STK25: variants seen among roughly 807,000 people sequenced by gnomAD.
STK25 encodes serine/threonine kinase 25, also known as serine/threonine-protein kinase 25.
In STK25, 29 loss-of-function variants were observed where a neutral mutation model predicts 53.8. The observed-to-expected ratio is 0.54, with a 90% confidence interval of 0.40 to 0.74. The LOEUF is 0.74. STK25 is among the 30% of genes least tolerant of loss of function. The pLI, the probability that STK25 is intolerant of heterozygous loss-of-function variation, is 0.00. For synonymous variants in STK25, 247 were observed against 238.3 expected (o/e 1.04, Z -0.33); for missense variants, 420 against 568.0 (o/e 0.74, Z 2.65).
chr2:241,500,613 G>C (rs2065448813), intron 4 of STK25, 127 bp downstream of exon 4: 1 of 1,031,978 alleles, frequency 9.7e-7, no homozygotes, highest in South Asian at 1.4e-5. Flanking sequence ...TTTTGCTTTA[G>C]ACGATTCCTA....
At chr2:241,497,736 G>T in intron 9 of STK25, 49 bp from the exon 10 acceptor site, 1 of 1,568,720 alleles carries the variant, frequency 6.4e-7, no homozygotes, top group Non-Finnish European at 8.8e-7. Flanking sequence ...CAGGTGACAG[G>T]CAGGGCACTC....
chr2:241,507,914 G>T, intron 2 of STK25, 92 bp downstream of exon 2: 1 of 1,336,442 alleles, frequency 7.5e-7, no homozygotes, highest in Non-Finnish European at 1.0e-6. Flanking sequence ...CCCACTGCCC[G>T]CTCCGGCGTG....
At chr2:241,509,357 T>C (rs535623215), upstream of STK25, 1 of 152,444 alleles carries the variant, frequency 6.6e-6, no homozygotes, top group African/African-American at 2.4e-5. Context: ...GGGAGGGACT[T>C]GCAGATCCCA....
rs2065023260 is a variant in STK25, at chr2:241,493,782, A to G, written c.*1880T>C. 2 of 484,372 alleles carry G rather than the reference A, an allele frequency of 4.1e-6. No individual in the cohort carries two copies. Among genetic ancestry groups the G allele is most frequent in the Non-Finnish European group, 7.3e-6 (2 of 272,386 alleles). The allele number at this position is 484,372 out of a possible 1,614,324, so 30.0% of individuals were successfully genotyped here. A position where few individuals can be genotyped will look rare whatever the true frequency, so the allele number is the denominator to read the frequency against. Reference sequence around the variant, plus strand: ...TGGCTAATTTTTGTATTTTTAGTAGAGACAGGGTTTCACCATGTTGGCCAG... The same window carrying G: ...TGGCTAATTTTTGTATTTTTAGTAGGGACAGGGTTTCACCATGTTGGCCAG... On this transcript the variant is annotated 3_prime_UTR_variant, in exon 12 of 12. Coordinates refer to ENST00000316586, the MANE Select transcript of STK25 (RefSeq NM_001271977.2).
In STK25 at chr2:241,508,485, G is replaced by A. The variant is rs1437485770; in HGVS notation, c.-143C>T. On this transcript the variant is annotated 5_prime_UTR_variant, in exon 1 of 12. Coordinates refer to ENST00000316586, the MANE Select transcript of STK25 (RefSeq NM_001271977.2). ...CCGGCCTCCCCCGGCCCGCTCTGCA[G>A]CGCCCGCGAAGGCTCCCACCCGCAG... The A allele has an allele frequency of 4.8e-6, 5 of 1,037,802 alleles. No homozygotes were observed. Among genetic ancestry groups the A allele is most frequent in the Non-Finnish European group, 5.8e-6 (5 of 861,752 alleles). The allele number at this position is 1,037,802 out of a possible 1,614,324, so 64.3% of individuals were successfully genotyped here.
At chr2:241,500,041 C>G (rs767406954) in intron 5 of STK25, 132 bp downstream of exon 5, 1 of 751,210 alleles carries the variant, frequency 1.3e-6, no homozygotes, top group Admixed American at 2.0e-5. Context: ...TGCTCAGTTT[C>G]AGGGTGGCCA....
chr2:241,499,490 G>A, intron 5 of STK25, 76 bp from the exon 6 acceptor site: 1 of 1,537,208 alleles, frequency 6.5e-7, no homozygotes, highest in Non-Finnish European at 8.8e-7. Context: ...GAAGGGCCAG[G>A]GTACCATCCA....
Position 241,508,455 on chromosome 2 carries a change from C to A in STK25, c.-113G>T. Reference sequence around the variant, plus strand: ...GCAGCGCGCCCACCTCCGCGGGGCTCCATCCCGGCCTCCCCCGGCCCGCTC... The same window carrying A: ...GCAGCGCGCCCACCTCCGCGGGGCTACATCCCGGCCTCCCCCGGCCCGCTC... On this transcript the variant is annotated 5_prime_UTR_variant, in exon 1 of 12. It introduces an in-frame stop codon into an upstream open reading frame of the 5' UTR. Transcript: ENST00000316586. 9.3e-7 allele frequency: 1 copy of A among 1,080,788 alleles called. No homozygotes were observed. The highest frequency in any genetic ancestry group is 2.4e-5 in the South Asian group (1 of 41,554). 66.9% of individuals were successfully genotyped at this position (1,080,788 alleles called of 1,614,324 possible). A position where few individuals can be genotyped will look rare whatever the true frequency, so the allele number is the denominator to read the frequency against.
At chr2:241,509,055 C>T (rs1574975791), upstream of STK25, among the ~76,000 whole-genome samples, 2 of 152,232 alleles carry the variant, frequency 1.3e-5, no homozygotes, top group Non-Finnish European at 1.5e-5. Context: ...CTTGTCGTCA[C>T]GGCACGGAGA....
At position 241,493,560 on chromosome 2, in the gene STK25, CA is replaced by C. The variant is rs1215388101; in HGVS notation, c.*2101del. 18 of 885,098 alleles carry C rather than the reference CA, an allele frequency of 2.0e-5. No individual in the cohort carries two copies. Among genetic ancestry groups the C allele is most frequent in the Non-Finnish European group, 3.0e-5 (17 of 562,476 alleles). The allele number at this position is 885,098 out of a possible 1,614,324, so 54.8% of individuals were successfully genotyped here. ...TGGGCCCTGGAAAGGAAGGGCTGAG[CA>C]ATGCTTCCAGCATTTCCAAAAAACA... On this transcript the variant is annotated 3_prime_UTR_variant, in exon 12 of 12. Transcript: ENST00000316586.
rs1339057968 is a variant in STK25 at position 241,508,148 on chromosome 2, C to T, written c.-100-13G>A. The T allele has an allele frequency of 4.1e-6, 6 of 1,476,848 alleles. No individual in the cohort carries two copies. The highest frequency in any genetic ancestry group is 1.4e-5 in the South Asian group (1 of 73,066). The allele number at this position is 1,476,848 out of a possible 1,614,324, so 91.5% of individuals were successfully genotyped here. On this transcript the variant is annotated splice_polypyrimidine_tract_variant and intron_variant, in intron 1 of 11. Coordinates refer to ENST00000316586, the MANE Select transcript of STK25 (RefSeq NM_001271977.2). The stretch of plus-strand genomic sequence containing the variant: ...CGGCGTCAGTCCACTGCGAGGGACA[C>T]CAGGGGCGCTCGGTGCCCAGTTCAG...
rs901979605 is a variant in STK25 at position 241,508,124 on chromosome 2, G to A, written c.-89C>T. The A allele has an allele frequency of 1.6e-5, 24 of 1,528,330 alleles. 2 individuals are homozygous for A. Among genetic ancestry groups the A allele is most frequent in the Middle Eastern group, 4.3e-4 (2 of 4,650 alleles). 94.7% of individuals were successfully genotyped at this position (1,528,330 alleles called of 1,614,324 possible). A position where few individuals can be genotyped will look rare whatever the true frequency, so the allele number is the denominator to read the frequency against. On this transcript the variant is annotated 5_prime_UTR_variant, in exon 2 of 12. Transcript: ENST00000316586. The stretch of plus-strand genomic sequence containing the variant: ...GCGGAGCCGGCTAGCTCGCCCCTGC[G>A]GCGTCAGTCCACTGCGAGGGACACC...
intron 10 of STK25, 29 bp downstream of exon 10, chr2:241,497,587 T>C (rs1241479203): frequency 1.9e-6 from 3 of 1,611,340 alleles, no homozygotes; most frequent in Non-Finnish European, 2.5e-6. Flanking sequence ...TTGACGGGAC[T>C]CCAGGCCCAG....
chr2:241,496,318 G>A lies in STK25; in HGVS notation c.1241+80C>T, dbSNP rs550177335. 8 of 1,525,866 alleles carry A rather than the reference G, an allele frequency of 5.2e-6. No individual in the cohort carries two copies. Among genetic ancestry groups the A allele is most frequent in the Admixed American group, 1.8e-5 (1 of 55,598 alleles). The allele number at this position is 1,525,866 out of a possible 1,614,324, so 94.5% of individuals were successfully genotyped here. ...TAGTGCCAAATGCAGCCACACCCAC[G>A]AGTGAGCACTGGACCTCACCCCACG... On this transcript the variant is annotated intron_variant, in intron 11 of 11. Coordinates refer to ENST00000316586, the MANE Select transcript of STK25 (RefSeq NM_001271977.2). The surrounding 1 kb of genome is among the most constrained non-coding windows in gnomAD (Gnocchi z 5.8).
At position 241,501,383 on chromosome 2, in the gene STK25, C is replaced by T. The variant is rs781176422; in HGVS notation, c.261+95G>A. The stretch of plus-strand genomic sequence containing the variant: ...AGGGCATGCACTGAACCGTCAAGAC[C>T]GCCTTGCACCCTCTGGCATGTCACT... On this transcript the variant is annotated intron_variant, in intron 3 of 11. Coordinates refer to ENST00000316586, the MANE Select transcript of STK25 (RefSeq NM_001271977.2). This position sits in a 1 kb window ranked among gnomAD's most constrained non-coding sequence, Gnocchi z 5.3. 2.6e-5 allele frequency: 34 copies of T among 1,296,246 alleles called. No individual in the cohort carries two copies. In the African/African-American group the frequency reaches 4.0e-4, roughly 15 times the overall value. The allele number at this position is 1,296,246 out of a possible 1,614,324, so 80.3% of individuals were successfully genotyped here. A position where few individuals can be genotyped will look rare whatever the true frequency, so the allele number is the denominator to read the frequency against.
chr2:241,493,010 T>C lies in STK25; in HGVS notation c.*2652A>G, dbSNP rs1275267882. ...GCTCTGGGTCGTCTTTACCAACTTC[T>C]GTTTGTTCTTCTACAAAACTCATCA... is the stretch of plus-strand genomic sequence containing the variant. On this transcript the variant is annotated 3_prime_UTR_variant, in exon 12 of 12. Coordinates refer to ENST00000316586, the MANE Select transcript of STK25 (RefSeq NM_001271977.2). The C allele has an allele frequency of 6.2e-7, 1 of 1,607,010 alleles. No individual in the cohort carries two copies. Among genetic ancestry groups the C allele is most frequent in the Admixed American group, 1.7e-5 (1 of 60,032 alleles).
chr2:241,500,935 C>G (rs2065472070), intron 3 of STK25, 139 bp from the exon 4 acceptor site: 2 of 750,440 alleles, frequency 2.7e-6, no homozygotes, highest in Non-Finnish European at 4.4e-6. Flanking sequence ...CAGGAAAGGG[C>G]TCTCTCGGCC....
chr2:241,508,176 A>T (rs2065967890), intron 1 of STK25, 41 bp from the exon 2 acceptor site: 10 of 1,375,168 alleles, frequency 7.3e-6, no homozygotes, highest in Middle Eastern at 5.4e-4. Context: ...CAGTTCAGTC[A>T]TCTGAGACCG....
intron 5 of STK25, 52 bp from the exon 6 acceptor site, chr2:241,499,466 C>A (rs748638971): frequency 4.4e-6 from 7 of 1,584,026 alleles, no homozygotes; most frequent in East Asian, 2.3e-5. Context: ...GTGGCTCCAC[C>A]CCGGGCCCCC....
Sources: gnomAD v4.1 joint callset for allele counts (sites outside exome capture counted in the v4.1 genomes callset) on GRCh38, gnomAD v4.1.1 for gene constraint, Gnocchi (gnomAD v3.1) non-coding constraint, MANE v1.5 for transcripts, NCBI Gene and HGNC (gene_info 2026-07-23, HGNC 2026-07-21) for gene names.